Variants in PRKCB observed in about 807,000 individuals in gnomAD.
The protein encoded by PRKCB is protein kinase C beta.
Under a neutral mutation model 81.5 loss-of-function variants are expected in PRKCB, and 13 were observed. The observed-to-expected ratio is 0.16, with a 90% CI of 0.10 to 0.25. The LOEUF is 0.25. Ranked by LOEUF, PRKCB falls within the 10% of genes least tolerant of loss-of-function variation. PRKCB has a pLI of 1.00. For missense variants in PRKCB, 509 were observed against 875.7 expected (o/e 0.58, Z 5.29); for synonymous variants, 335 against 321.4 (o/e 1.04, Z -0.45).
chr16:24,071,968 G>A (rs1596536703), intron 5 of PRKCB, among the ~76,000 whole-genome samples: 2 of 152,122 alleles, frequency 1.3e-5, no homozygotes, highest in African/African-American at 2.4e-5. Flanking sequence ...TTATCATGAG[G>A]GTGCCCAATT....
intron 2 of PRKCB, among the ~76,000 whole-genome samples, chr16:23,908,521 T>C (rs1167864623): frequency 6.6e-6 from 1 of 152,096 alleles, no homozygotes; most frequent in East Asian, 1.9e-4. Context: ...CTGTAAGATT[T>C]GGGCTTTCCC....
chr16:23,883,760 T>C (rs1335256863), intron 2 of PRKCB, among the ~76,000 whole-genome samples: 2 of 152,282 alleles, frequency 1.3e-5, no homozygotes, highest in East Asian at 3.9e-4. Flanking sequence ...GCTGGGCACC[T>C]GGTACACTTT....
At chr16:23,863,090 G>T (rs1004347814) in intron 2 of PRKCB, among the ~76,000 whole-genome samples, 2 of 146,578 alleles carry the variant, frequency 1.4e-5, no homozygotes, top group African/African-American at 5.0e-5. Context: ...TTATATATAT[G>T]ATTATATAAT....
At chr16:23,882,885 G>A (rs1460236757) in intron 2 of PRKCB, among the ~76,000 whole-genome samples, 1 of 151,894 alleles carries the variant, frequency 6.6e-6, no homozygotes, top group East Asian at 1.9e-4. Flanking sequence ...ACTGCACCTG[G>A]CTGAGACTCC....
chr16:24,160,866 G>A (rs550138796), intron 10 of PRKCB, among the ~76,000 whole-genome samples: 49 of 152,282 alleles, frequency 3.2e-4, no homozygotes, highest in African/African-American at 1.2e-3. Context: ...GGGGCAGAGT[G>A]TTCCAGGCAG....
intron 2 of PRKCB, among the ~76,000 whole-genome samples, chr16:23,967,520 AAAG>A (rs1217880492): frequency 6.6e-6 from 1 of 152,228 alleles, no homozygotes; most frequent in Non-Finnish European, 1.5e-5. Flanking sequence ...GGGATTGAGA[AAAG>A]AAGTTTAGGT....
chr16:24,023,223 C>A (rs1965429310), intron 3 of PRKCB, among the ~76,000 whole-genome samples: 1 of 152,176 alleles, frequency 6.6e-6, no homozygotes, highest in African/African-American at 2.4e-5. Flanking sequence ...CAGGAAGCTG[C>A]ATCTTTGAAT....
At chr16:23,850,105 A>G (rs1044753599) in intron 2 of PRKCB, among the ~76,000 whole-genome samples, 1 of 152,162 alleles carries the variant, frequency 6.6e-6, no homozygotes, top group African/African-American at 2.4e-5. Context: ...TACTTAGCAT[A>G]ATGTCCTCCA....
chr16:24,037,106 A>G (rs1965632190), intron 5 of PRKCB, among the ~76,000 whole-genome samples: 1 of 152,170 alleles, frequency 6.6e-6, no homozygotes, highest in Non-Finnish European at 1.5e-5. Context: ...CTCCTGCCTC[A>G]GCCTCCTGAG....
At chr16:24,032,307 T>C in intron 4 of PRKCB, 60 bp downstream of exon 4, 1 of 1,278,994 alleles carries the variant, frequency 7.8e-7, no homozygotes, top group South Asian at 1.3e-5. Flanking sequence ...GAAGGGCTGC[T>C]TCCACTTGGT....
rs1210105406 is a variant in PRKCB at position 23,912,507 on chromosome 16, CTTTTTTTT to C, written c.205+75117_205+75124del. Reference sequence around the variant, plus strand: ...TCTTCTTTTCCTTTCTTTCTTTCTTCTTTTTTTTTTTTTTTTTTTTTTTGAGACAGAGT... The same window carrying C: ...TCTTCTTTTCCTTTCTTTCTTTCTTCTTTTTTTTTTTTTTTGAGACAGAGT... On this transcript the variant is annotated intron_variant, in intron 2 of 16. Transcript: ENST00000643927. 1.9e-4 allele frequency among the ~76,000 whole-genome samples: 14 copies of C among 72,086 alleles called. No individual in the cohort carries two copies. The South Asian group carries it at 7.4e-3, about 38-fold the overall frequency. The allele number at this position is 72,086 out of a possible 152,430, so 47.3% of individuals were successfully genotyped here.
intron 2 of PRKCB, among the ~76,000 whole-genome samples, chr16:23,922,439 C>T (rs1963839023): frequency 6.6e-6 from 1 of 152,010 alleles, no homozygotes; most frequent in Admixed American, 6.6e-5. Context: ...ATGGTATGGA[C>T]CAAAAAAAGA....
chr16:23,936,050 C>T (rs1196940129), intron 2 of PRKCB, among the ~76,000 whole-genome samples: 4 of 152,178 alleles, frequency 2.6e-5, no homozygotes, highest in Non-Finnish European at 5.9e-5. Context: ...AAAATCCACA[C>T]AGTTTTAAAG....
intron 2 of PRKCB, among the ~76,000 whole-genome samples, chr16:23,897,064 A>G (rs945935882): frequency 1.3e-5 from 2 of 152,156 alleles, no homozygotes; most frequent in Admixed American, 6.5e-5. Context: ...TGTGTGCCAG[A>G]CCCTGTGCCA....
chr16:24,210,983 G>A (rs1567414202), intron 16 of PRKCB, among the ~76,000 whole-genome samples: 1 of 152,126 alleles, frequency 6.6e-6, no homozygotes, highest in African/African-American at 2.4e-5. Context: ...CAGTAAATCC[G>A]TCTTGAATGA....
At chr16:23,849,798 T>C (rs1055672033) in intron 2 of PRKCB, among the ~76,000 whole-genome samples, 5 of 152,246 alleles carry the variant, frequency 3.3e-5, no homozygotes, top group Non-Finnish European at 1.5e-5. Context: ...TTCAAACTAA[T>C]TAATATAACC....
chr16:23,938,423 G>A (rs1402769175), intron 2 of PRKCB, among the ~76,000 whole-genome samples: 1 of 152,210 alleles, frequency 6.6e-6, no homozygotes, highest in Non-Finnish European at 1.5e-5. Context: ...AGAAGTCATG[G>A]TATGGAGGAA....
intron 7 of PRKCB, among the ~76,000 whole-genome samples, chr16:24,110,116 AGG>A (rs1966654015): frequency 3.5e-5 from 3 of 85,656 alleles, no homozygotes; most frequent in East Asian, 3.1e-4. Context: ...CCGTGGGGAG[AGG>A]GAGAGGGAGA....
At chr16:23,957,303 A>G (rs1313799225) in intron 2 of PRKCB, among the ~76,000 whole-genome samples, 1 of 152,236 alleles carries the variant, frequency 6.6e-6, no homozygotes, top group Non-Finnish European at 1.5e-5. Flanking sequence ...TTTATTCTAA[A>G]TAAAGATGAA....
Sources: gnomAD v4.1 joint callset for allele counts (sites outside exome capture counted in the v4.1 genomes callset) on GRCh38, gnomAD v4.1.1 for gene constraint, MANE v1.5 for transcripts, NCBI Gene and HGNC (gene_info 2026-07-23, HGNC 2026-07-21) for gene names.